Variants in CDKL3 observed in about 807,000 individuals in gnomAD.
CDKL3 encodes the protein cyclin-dependent kinase-like 3.
Under a neutral mutation model 69.3 loss-of-function variants are expected in CDKL3, and 65 were observed. That is an observed-to-expected ratio of 0.94 (90% CI 0.77 to 1.15). The LOEUF is 1.15. CDKL3 is among the 50% of genes most tolerant of loss of function. CDKL3 has a pLI of 0.00. For synonymous variants in CDKL3, 202 were observed against 221.6 expected (o/e 0.91, Z 0.79); for missense variants, 652 against 689.2 (o/e 0.95, Z 0.61).
At chr5:134,355,989 G>C (rs1017137374) in intron 3 of CDKL3, among the ~76,000 whole-genome samples, 6 of 152,212 alleles carry the variant, frequency 3.9e-5, no homozygotes, top group African/African-American at 1.2e-4. Flanking sequence ...CTGGGGGATG[G>C]TTTCAGGATG....
intron 4 of CDKL3, among the ~76,000 whole-genome samples, chr5:134,339,395 T>C (rs1749880821): frequency 6.6e-6 from 1 of 152,014 alleles, no homozygotes; most frequent in East Asian, 1.9e-4. Flanking sequence ...AAGACTGCCC[T>C]AATACAAGAC....
At chr5:134,328,777 A>G (rs1286407939) in intron 4 of CDKL3, among the ~76,000 whole-genome samples, 1 of 152,204 alleles carries the variant, frequency 6.6e-6, no homozygotes, top group Non-Finnish European at 1.5e-5. Context: ...CATCACTTAC[A>G]AGAGAACTTT....
At chr5:134,355,172 G>A (rs1754269463) in intron 3 of CDKL3, among the ~76,000 whole-genome samples, 1 of 149,390 alleles carries the variant, frequency 6.7e-6, no homozygotes, top group African/African-American at 2.5e-5. Context: ...GGCGGAGGTT[G>A]CAGTGAGCTA....
intron 4 of CDKL3, among the ~76,000 whole-genome samples, chr5:134,339,009 C>G (rs544102658): frequency 3.9e-5 from 6 of 151,946 alleles, no homozygotes; most frequent in African/African-American, 1.4e-4. Context: ...CAAAAATTAG[C>G]CGGGCATAGT....
chr5:134,295,866 G>A (rs1000129008), downstream of CDKL3, among the ~76,000 whole-genome samples: 1 of 152,046 alleles, frequency 6.6e-6, no homozygotes, highest in Non-Finnish European at 1.5e-5. Context: ...TTATGAGATG[G>A]AACTAGGAAA....
chr5:134,350,412 T>G lies in CDKL3; in HGVS notation c.376A>C (p.Ile126Leu). The change falls in exon 4 of 13, where the codon ATA becomes CTA. Residue 126 changes from isoleucine to leucine, a missense_variant. Coordinates refer to ENST00000265334, the MANE Select transcript of CDKL3 (RefSeq NM_001113575.2). Reference sequence around the variant, plus strand: ...GATACTAAAATATTCTCAGGTTTTATATCTCGATGAATGATCTAAAAAACA... The same window carrying G: ...GATACTAAAATATTCTCAGGTTTTAGATCTCGATGAATGATCTAAAAAACA... ...LHSNNIIHRD[I>L]KPENILVSQS... 4.5e-6 allele frequency: 7 copies of G among 1,555,486 alleles called. No individual in the cohort carries two copies. Among genetic ancestry groups the G allele is most frequent in the Non-Finnish European group, 6.1e-6 (7 of 1,147,550 alleles).
chr5:134,353,089 T>C (rs1399459356), intron 3 of CDKL3, among the ~76,000 whole-genome samples: 2 of 152,230 alleles, frequency 1.3e-5, no homozygotes, highest in Non-Finnish European at 2.9e-5. Flanking sequence ...TAGTTGATTT[T>C]TGTAGATGAT....
chr5:134,290,378 AGG>A (rs1348024002), intron 8 of CDKL3, among the ~76,000 whole-genome samples: 1 of 149,080 alleles, frequency 6.7e-6, no homozygotes, highest in African/African-American at 2.5e-5. Context: ...AAAAAAAAAA[AGG>A]GTTTGTCTTG....
intron 4 of CDKL3, among the ~76,000 whole-genome samples, chr5:134,344,120 C>A (rs1276541851): frequency 6.6e-6 from 1 of 152,182 alleles, no homozygotes; most frequent in Non-Finnish European, 1.5e-5. Context: ...TGAACTTGGA[C>A]TCTTACCTTA....
At chr5:134,297,116 T>C (rs983028616), downstream of CDKL3, among the ~76,000 whole-genome samples, 1 of 152,018 alleles carries the variant, frequency 6.6e-6, no homozygotes, top group African/African-American at 2.4e-5. Context: ...CACACCTGGC[T>C]AATTTTTGTA....
intron 12 of CDKL3, chr5:134,299,868 G>A (rs868526776): frequency 1.6e-6 from 1 of 644,844 alleles, no homozygotes. Context: ...ATAAGGTACA[G>A]GGAAACTATT....
At chr5:134,349,217 A>G (rs1274621518) in intron 4 of CDKL3, among the ~76,000 whole-genome samples, 1 of 152,214 alleles carries the variant, frequency 6.6e-6, no homozygotes, top group Non-Finnish European at 1.5e-5. Context: ...AATATTACAT[A>G]TTATTATAAT....
chr5:134,288,634 G>A (rs1259180357), intron 8 of CDKL3, among the ~76,000 whole-genome samples: 8 of 152,074 alleles, frequency 5.3e-5, no homozygotes, highest in Admixed American at 2.6e-4. Context: ...CAGATAACTC[G>A]CATAACAAAA....
At chr5:134,352,582 T>G (rs1032201009) in intron 3 of CDKL3, among the ~76,000 whole-genome samples, 1 of 152,108 alleles carries the variant, frequency 6.6e-6, no homozygotes, top group Non-Finnish European at 1.5e-5. Flanking sequence ...ATTACATGTG[T>G]GAGCCACTGC....
chr5:134,342,966 A>G (rs1014450991), intron 4 of CDKL3, among the ~76,000 whole-genome samples: 3 of 152,198 alleles, frequency 2.0e-5, no homozygotes, highest in Admixed American at 6.5e-5. Context: ...ATGCTTTGGG[A>G]GTCCAAGGCA....
intron 11 of CDKL3, among the ~76,000 whole-genome samples, chr5:134,303,095 ATTT>A (rs1237701621): frequency 6.9e-6 from 1 of 145,702 alleles, no homozygotes; most frequent in Non-Finnish European, 1.5e-5. Context: ...AAGTTCATAA[ATTT>A]TTTTTTTTTT....
intron 2 of CDKL3, among the ~76,000 whole-genome samples, chr5:134,361,197 AT>A (rs1755919053): frequency 6.6e-6 from 1 of 151,944 alleles, no homozygotes; most frequent in African/African-American, 2.4e-5. Flanking sequence ...ATATTTAACC[AT>A]TTTGTTCAAA....
At chr5:134,329,377 G>A (rs1373548009) in intron 4 of CDKL3, among the ~76,000 whole-genome samples, 9 of 151,744 alleles carry the variant, frequency 5.9e-5, no homozygotes, top group Non-Finnish European at 1.3e-4. Context: ...AAAGAGCACT[G>A]GTAAAGGTAA....
chr5:134,325,586 G>A (rs1773944356), intron 4 of CDKL3, among the ~76,000 whole-genome samples: 1 of 152,040 alleles, frequency 6.6e-6, no homozygotes, highest in African/African-American at 2.4e-5. Flanking sequence ...TGTTATGTGA[G>A]TTCTAACTGC....
Sources: allele counts gnomAD v4.1 joint callset (sites outside exome capture counted in the v4.1 genomes callset), GRCh38; gene constraint gnomAD v4.1.1; transcripts MANE v1.5; gene names NCBI Gene and HGNC (gene_info 2026-07-23, HGNC 2026-07-21).